KLF12: variants seen among roughly 807,000 people sequenced by gnomAD.
The protein encoded by KLF12 is Krueppel-like factor 12.
A neutral mutation model predicts 37.8 loss-of-function variants in KLF12; 9 were observed. The observed-to-expected ratio is 0.24, with a 90% CI of 0.14 to 0.42. The LOEUF is 0.42. Among genes scored for constraint, KLF12 ranks in the 10% least tolerant of loss-of-function variants. The probability of loss-of-function intolerance (pLI) is 1.00; values close to 1 mark genes in which losing one functional copy is unlikely to be tolerated. For missense variants in KLF12, 411 were observed against 516.0 expected, an observed-to-expected ratio of 0.80 and a Z score of 1.97; for synonymous variants, 208 against 202.1, an observed-to-expected ratio of 1.03 and a Z score of -0.25.
At chr13:74,299,289 C>T in the KLF12 span, among the ~76,000 whole-genome samples, 3 of 152,306 alleles carry the variant, frequency 2.0e-5, no homozygotes, top group Admixed American at 2.0e-4. Flanking sequence ...TGGACATTCT[C>T]TGAGAGACAG....
chr13:74,281,629 G>T, the KLF12 span, among the ~76,000 whole-genome samples: 2 of 152,152 alleles, frequency 1.3e-5, no homozygotes, highest in East Asian at 3.9e-4. Context: ...TTCTGTCAAG[G>T]TAATGGAATA....
intron 2 of KLF12, among the ~76,000 whole-genome samples, chr13:73,980,139 A>G (rs1384853166): frequency 2.0e-5 from 3 of 152,174 alleles, no homozygotes; most frequent in African/African-American, 7.2e-5. Context: ...GTACAATCTT[A>G]CCCTAATGCA....
intron 1 of KLF12, among the ~76,000 whole-genome samples, chr13:74,023,954 G>A (rs1892909385): frequency 6.6e-6 from 1 of 152,156 alleles, no homozygotes; most frequent in African/African-American, 2.4e-5. Context: ...AAAGTGCAAA[G>A]AGATTCCAAC....
At chr13:74,079,990 A>G (rs1347843280) in intron 1 of KLF12, among the ~76,000 whole-genome samples, 4 of 152,248 alleles carry the variant, frequency 2.6e-5, no homozygotes, top group Admixed American at 2.6e-4. Flanking sequence ...CAAAAGATGA[A>G]TGGATACACA....
At chr13:74,018,742 A>G (rs1443212769) in intron 1 of KLF12, among the ~76,000 whole-genome samples, 1 of 152,182 alleles carries the variant, frequency 6.6e-6, no homozygotes. Flanking sequence ...AAATCTATAT[A>G]TATATAATTT....
At chr13:73,747,312 G>T (rs1339043843) in intron 6 of KLF12, among the ~76,000 whole-genome samples, 1 of 152,132 alleles carries the variant, frequency 6.6e-6, no homozygotes, top group Non-Finnish European at 1.5e-5. Context: ...GCAAAGAGGT[G>T]AGTGTTTTAG....
the KLF12 span, among the ~76,000 whole-genome samples, chr13:74,253,951 T>A: frequency 6.6e-6 from 1 of 152,222 alleles, no homozygotes. Flanking sequence ...TTCTAAAACT[T>A]ATTTGACCAG....
chr13:73,909,257 G>A (rs1372887018), intron 3 of KLF12, among the ~76,000 whole-genome samples: 3 of 152,132 alleles, frequency 2.0e-5, no homozygotes, highest in South Asian at 4.1e-4. Flanking sequence ...ACCAGTGGCC[G>A]AGCATAAAGC....
chr13:74,222,599 A>G, the KLF12 span, among the ~76,000 whole-genome samples: 1 of 152,212 alleles, frequency 6.6e-6, no homozygotes, highest in Non-Finnish European at 1.5e-5. Flanking sequence ...TATTCTTCCA[A>G]AAAAGCTTTA....
At chr13:73,704,731 C>T (rs1874811335) in intron 7 of KLF12, among the ~76,000 whole-genome samples, 1 of 152,228 alleles carries the variant, frequency 6.6e-6, no homozygotes, top group African/African-American at 2.4e-5. Context: ...TCACACCACG[C>T]TGTGATTGAA....
Position 73,692,049 on chromosome 13 carries a change from G to C in KLF12, c.*3441C>G, listed in dbSNP as rs1873856061. On this transcript the variant is annotated 3_prime_UTR_variant, in exon 8 of 8. Transcript: ENST00000377669. ...CATTTTTTTAAAAAATGTGGTTTAT[G>C]TTGCTGTTACTCAACTGCTTTTGAA... The C allele has an allele frequency of 6.6e-6, 1 of 152,518 alleles. No individual in the cohort carries two copies. Among genetic ancestry groups the C allele is most frequent in the African/African-American group, 2.4e-5 (1 of 41,416 alleles). The allele number at this position is 152,518 out of a possible 1,614,324, so 9.4% of individuals were successfully genotyped here.
At chr13:73,933,354 C>G (rs907111472) in intron 3 of KLF12, among the ~76,000 whole-genome samples, 1 of 152,030 alleles carries the variant, frequency 6.6e-6, no homozygotes, top group African/African-American at 2.4e-5. Flanking sequence ...TTATTATGTT[C>G]CAGGAAGAAA....
chr13:73,968,111 T>G (rs1374207154), intron 2 of KLF12, among the ~76,000 whole-genome samples: 4 of 152,212 alleles, frequency 2.6e-5, no homozygotes, highest in Non-Finnish European at 5.9e-5. Context: ...GATAAGTCAC[T>G]TAACATCTTT....
intron 1 of KLF12, among the ~76,000 whole-genome samples, chr13:74,112,550 T>C (rs1187987005): frequency 6.6e-6 from 1 of 152,160 alleles, no homozygotes; most frequent in Non-Finnish European, 1.5e-5. Context: ...GACTTTTCTA[T>C]TATTGCATCT....
At chr13:74,178,701 G>C in the KLF12 span, among the ~76,000 whole-genome samples, 1 of 152,146 alleles carries the variant, frequency 6.6e-6, no homozygotes, top group Non-Finnish European at 1.5e-5. Context: ...CATCTCCTTA[G>C]TTCTTGGAGA....
At chr13:73,849,185 A>G (rs1489591950) in intron 3 of KLF12, among the ~76,000 whole-genome samples, 1 of 152,098 alleles carries the variant, frequency 6.6e-6, no homozygotes, top group Admixed American at 6.6e-5. Context: ...TCCTGAAATC[A>G]TCATTAGAAA....
At chr13:73,897,586 G>T (rs1294738236) in intron 3 of KLF12, among the ~76,000 whole-genome samples, 1 of 152,082 alleles carries the variant, frequency 6.6e-6, no homozygotes, top group African/African-American at 2.4e-5. Flanking sequence ...AATTCTGTCA[G>T]TCTTTAAATG....
In KLF12 at chr13:73,780,282, T is replaced by C. The variant is rs540926164; in HGVS notation, c.807-15282A>G. Among the ~76,000 whole-genome samples, 620 of 152,288 alleles carry C rather than the reference T, an allele frequency of 4.1e-3. 3 individuals are homozygous for C. Among genetic ancestry groups the C allele is most frequent in the African/African-American group, 0.014 (591 of 41,556 alleles). On this transcript the variant is annotated intron_variant, in intron 5 of 7. Coordinates refer to ENST00000377669, the MANE Select transcript of KLF12 (RefSeq NM_007249.5). ...GCAGTTTTTGGGAAACAGGTGGTGT[T>C]TGGTTGCACGGAAAAGTTCCTTAAT... is the stretch of plus-strand genomic sequence containing the variant.
At chr13:73,933,984 C>T (rs1368706828) in intron 3 of KLF12, among the ~76,000 whole-genome samples, 1 of 152,100 alleles carries the variant, frequency 6.6e-6, no homozygotes, top group Non-Finnish European at 1.5e-5. Flanking sequence ...TCTATACTCA[C>T]AGGACAACTC....
Sources: allele counts gnomAD v4.1 joint callset (sites outside exome capture counted in the v4.1 genomes callset), GRCh38; gene constraint gnomAD v4.1.1; transcripts MANE v1.5; gene names NCBI Gene and HGNC (gene_info 2026-07-23, HGNC 2026-07-21).